SLMAP: variants seen among roughly 807,000 people sequenced by gnomAD.
SLMAP encodes the protein sarcolemma associated protein.
Under a neutral mutation model 128.8 loss-of-function variants are expected in SLMAP, and 44 were observed. That is an observed-to-expected ratio of 0.34 (90% CI 0.27 to 0.44). The LOEUF is 0.44. Ranked by LOEUF, SLMAP falls within the 20% of genes least tolerant of loss-of-function variation. The pLI is 1.00. For synonymous variants in SLMAP, 327 were observed against 348.8 expected (o/e 0.94, Z 0.70); for missense variants, 787 against 985.3 (o/e 0.80, Z 2.69).
At chr3:57,796,015 G>T (rs2086656293) in intron 2 of SLMAP, among the ~76,000 whole-genome samples, 2 of 152,026 alleles carry the variant, frequency 1.3e-5, no homozygotes, top group African/African-American at 4.8e-5. Context: ...GTAATTTTTA[G>T]TAATTAAAAC....
At chr3:57,895,943 C>CA (rs572722491) in intron 15 of SLMAP, among the ~76,000 whole-genome samples, 17,375 of 112,274 alleles carry the variant, frequency 0.15, 1,103 homozygotes, top group Middle Eastern at 0.2. Context: ...GACGCTGTCT[C>CA]AAAAAAAAAA....
chr3:57,823,929 G>C (rs907218667), intron 2 of SLMAP, among the ~76,000 whole-genome samples: 1 of 152,068 alleles, frequency 6.6e-6, no homozygotes, highest in African/African-American at 2.4e-5. Flanking sequence ...GTGTGAGATG[G>C]TATCTCATTG....
intron 14 of SLMAP, among the ~76,000 whole-genome samples, chr3:57,879,279 C>T (rs537025420): frequency 2.3e-4 from 35 of 152,328 alleles, no homozygotes; most frequent in African/African-American, 8.4e-4. Context: ...TTGGTTCTCT[C>T]TGTTCAGTCT....
At chr3:57,786,749 T>C (rs74579197) in intron 2 of SLMAP, among the ~76,000 whole-genome samples, 1 of 149,092 alleles carries the variant, frequency 6.7e-6, no homozygotes, top group African/African-American at 2.5e-5. Flanking sequence ...TTTTTTTTTT[T>C]TTGAGTTGGA....
chr3:57,926,654 C>T (rs2097015032), intron 24 of SLMAP, among the ~76,000 whole-genome samples: 1 of 152,234 alleles, frequency 6.6e-6, no homozygotes. Context: ...AACAGCCCAT[C>T]CATGCTTGTT....
At position 57,912,439 on chromosome 3, in the gene SLMAP, A is replaced by T; in HGVS notation, c.1758A>T (p.Glu586Asp). 6.2e-7 allele frequency: 1 copy of T among 1,614,144 alleles called. No individual in the cohort carries two copies. Among genetic ancestry groups the T allele is most frequent in the Non-Finnish European group, 8.5e-7 (1 of 1,179,958 alleles). Residue 586 changes from glutamate to aspartate, a missense_variant, in exon 20 of 25, where the codon GAA becomes GAT. Glu to Asp is a conservative substitution (Grantham distance 45). Transcript: ENST00000671191. The part of the protein sequence containing the change: ...TENLREEKDS[E>D]ITSTRDELLS... ...ATCTCCGGGAGGAGAAGGACAGTGA[A>T]ATCACAAGTACTAGAGATGAATTGC... is the stretch of plus-strand genomic sequence containing the variant.
At chr3:57,837,263 T>C (rs2093682560) in intron 3 of SLMAP, among the ~76,000 whole-genome samples, 1 of 152,218 alleles carries the variant, frequency 6.6e-6, no homozygotes, top group Non-Finnish European at 1.5e-5. Context: ...TGTGCAACTA[T>C]AGGAAGTGTG....
intron 4 of SLMAP, among the ~76,000 whole-genome samples, chr3:57,845,932 C>T (rs979888249): frequency 6.6e-6 from 1 of 152,098 alleles, no homozygotes; most frequent in Non-Finnish European, 1.5e-5. Context: ...ACCTCTGCCT[C>T]CCAGGTTCAA....
intron 4 of SLMAP, among the ~76,000 whole-genome samples, chr3:57,844,269 C>CT (rs987956806): frequency 6.6e-6 from 1 of 152,026 alleles, no homozygotes; most frequent in African/African-American, 2.4e-5. Context: ...TGGTGAGCGC[C>CT]TGTAGTCCCA....
intron 10 of SLMAP, among the ~76,000 whole-genome samples, chr3:57,863,407 A>G (rs1188202910): frequency 6.6e-6 from 1 of 152,200 alleles, no homozygotes; most frequent in African/African-American, 2.4e-5. Context: ...TGGTTAACCT[A>G]TGATAGTTTT....
At chr3:57,878,781 A>C (rs2153630315) in intron 14 of SLMAP, among the ~76,000 whole-genome samples, 1 of 152,332 alleles carries the variant, frequency 6.6e-6, no homozygotes, top group East Asian at 1.9e-4. Context: ...ATTTGGTGTC[A>C]AGAACATTAT....
At chr3:57,769,324 C>T (rs1319496036) in intron 2 of SLMAP, among the ~76,000 whole-genome samples, 1 of 152,056 alleles carries the variant, frequency 6.6e-6, no homozygotes, top group Non-Finnish European at 1.5e-5. Context: ...TCCTGAGTAG[C>T]TGGGACTACA....
At chr3:57,889,384 C>T (rs1220377481) in intron 14 of SLMAP, among the ~76,000 whole-genome samples, 3 of 152,234 alleles carry the variant, frequency 2.0e-5, no homozygotes, top group South Asian at 4.2e-4. Flanking sequence ...ATTTTCTTCA[C>T]ATATATTACA....
At chr3:57,882,004 A>G (rs1258783657) in intron 14 of SLMAP, among the ~76,000 whole-genome samples, 1 of 151,224 alleles carries the variant, frequency 6.6e-6, no homozygotes, top group Admixed American at 6.6e-5. Context: ...AAGATGCCAT[A>G]TCTTAAATAA....
intron 2 of SLMAP, among the ~76,000 whole-genome samples, chr3:57,829,765 T>C (rs2093206191): frequency 6.6e-6 from 1 of 152,226 alleles, no homozygotes; most frequent in Non-Finnish European, 1.5e-5. Context: ...TACCAATTAA[T>C]GAAATGAAAT....
At chr3:57,893,631 T>C (rs2096155757) in intron 15 of SLMAP, among the ~76,000 whole-genome samples, 1 of 152,186 alleles carries the variant, frequency 6.6e-6, no homozygotes. Context: ...CCTAATATTT[T>C]AATCCTAAAA....
chr3:57,776,743 T>C (rs1447888478), intron 2 of SLMAP, among the ~76,000 whole-genome samples: 1 of 151,926 alleles, frequency 6.6e-6, no homozygotes, highest in Non-Finnish European at 1.5e-5. Context: ...TCAGGCTATC[T>C]TGAACTCCTG....
chr3:57,856,834 C>G (rs956640648), intron 6 of SLMAP, among the ~76,000 whole-genome samples: 1 of 152,074 alleles, frequency 6.6e-6, no homozygotes, highest in African/African-American at 2.4e-5. Context: ...TTTGTTTACA[C>G]CAACATCTCC....
At chr3:57,801,864 T>G (rs1432484057) in intron 2 of SLMAP, among the ~76,000 whole-genome samples, 2 of 152,062 alleles carry the variant, frequency 1.3e-5, no homozygotes, top group African/African-American at 2.4e-5. Flanking sequence ...GATGATCAGC[T>G]TGTGAAAAGT....
Sources: allele counts gnomAD v4.1 joint callset (sites outside exome capture counted in the v4.1 genomes callset), GRCh38; gene constraint gnomAD v4.1.1; transcripts MANE v1.5; gene names NCBI Gene and HGNC (gene_info 2026-07-23, HGNC 2026-07-21).